PSEN1: variants seen among roughly 807,000 people sequenced by gnomAD.
The protein encoded by PSEN1 is presenilin-1.
PSEN1 carries 15 observed loss-of-function variants against 53.5 expected under a neutral mutation model. The ratio of observed to expected loss-of-function variants is 0.28; its 90% CI spans 0.19 to 0.43. PSEN1 has a LOEUF of 0.43. PSEN1 is among the 20% of genes least tolerant of loss of function. The pLI, the probability that PSEN1 is intolerant of heterozygous loss-of-function variation, is 1.00. For synonymous variants in PSEN1, 208 were observed against 209.8 expected, an observed-to-expected ratio of 0.99 and a Z score of 0.08; for missense variants, 387 against 571.2, an observed-to-expected ratio of 0.68 and a Z score of 3.29.
intron 7 of PSEN1, among the ~76,000 whole-genome samples, chr14:73,196,932 C>CTTTTTTTTTTTTTT (rs557577799): frequency 1.6e-5 from 2 of 128,872 alleles, no homozygotes; most frequent in African/African-American, 3.0e-5. Context: ...TTCTTTCTTT[C>CTTTTTTTTTTTTTT]TTTTTTTTTT....
Position 73,196,932 on chromosome 14 carries a change from C to G in PSEN1, c.770-1099C>G, listed in dbSNP as rs199507975. 6.2e-5 allele frequency among the ~76,000 whole-genome samples: 8 copies of G among 128,872 alleles called. No homozygotes were observed. In the Admixed American group the frequency reaches 6.5e-4, roughly 10 times the overall value. The allele number at this position is 128,872 out of a possible 152,430, so 84.5% of individuals were successfully genotyped here. A position where few individuals can be genotyped will look rare whatever the true frequency, so the allele number is the denominator to read the frequency against. ...TATTCTGAATTTTCTTTCTTTCTTT[C>G]TTTTTTTTTTTTTTTTTTGAGACGG... On this transcript the variant is annotated intron_variant, in intron 7 of 11. Transcript: ENST00000324501.
chr14:73,160,869 G>A lies in PSEN1; in HGVS notation c.88-9928G>A, dbSNP rs1490670649. The stretch of plus-strand genomic sequence containing the variant: ...GTCGCCCATCCTGGAATGCAGTGGC[G>A]CGATCTTGGCTCACTGCAAGCTCCA... On this transcript the variant is annotated intron_variant, in intron 3 of 11. Transcript: ENST00000324501. Among the ~76,000 whole-genome samples the A allele has an allele frequency of 6.5e-5, 9 of 139,256 alleles. No homozygotes were observed. In the East Asian group the frequency reaches 8.6e-4, roughly 13 times the overall value. The allele number at this position is 139,256 out of a possible 152,430, so 91.4% of individuals were successfully genotyped here.
At chr14:73,183,375 G>A (rs1043159770) in intron 5 of PSEN1, among the ~76,000 whole-genome samples, 6 of 152,024 alleles carry the variant, frequency 3.9e-5, no homozygotes, top group African/African-American at 1.5e-4. Context: ...TAGGACAATA[G>A]TGGAGGGAAG....
At chr14:73,189,321 AG>A (rs1412444561) in intron 6 of PSEN1, among the ~76,000 whole-genome samples, 3 of 152,196 alleles carry the variant, frequency 2.0e-5, no homozygotes, top group Non-Finnish European at 2.9e-5. Flanking sequence ...ATTAAACAAA[AG>A]TCCCCTGTCT....
At chr14:73,145,387 T>C (rs1348559787) in intron 1 of PSEN1, among the ~76,000 whole-genome samples, 1 of 152,062 alleles carries the variant, frequency 6.6e-6, no homozygotes, top group Admixed American at 6.6e-5. Flanking sequence ...CAGGCTGGAG[T>C]GTAGTGATGC....
intron 5 of PSEN1, among the ~76,000 whole-genome samples, chr14:73,186,270 T>C (rs974934372): frequency 6.6e-6 from 1 of 151,964 alleles, no homozygotes; most frequent in Non-Finnish European, 1.5e-5. Context: ...TCCCAGCTAC[T>C]TGGGGGGCTG....
At chr14:73,186,166 G>A (rs1258625436) in intron 5 of PSEN1, among the ~76,000 whole-genome samples, 2 of 152,158 alleles carry the variant, frequency 1.3e-5, no homozygotes, top group Non-Finnish European at 2.9e-5. Context: ...GATCACCTCA[G>A]GTCGGGAGTT....
intron 3 of PSEN1, among the ~76,000 whole-genome samples, chr14:73,164,145 A>G (rs1296043431): frequency 2.0e-5 from 3 of 152,212 alleles, no homozygotes; most frequent in South Asian, 2.1e-4. Context: ...CAGAGGTACT[A>G]AGGAAAAGAA....
chr14:73,186,171 G>C (rs1370271296), intron 5 of PSEN1, among the ~76,000 whole-genome samples: 5 of 152,118 alleles, frequency 3.3e-5, no homozygotes. Flanking sequence ...CCTCAGGTCG[G>C]GAGTTCGAGA....
intron 10 of PSEN1, 46 bp downstream of exon 10, chr14:73,211,988 A>T: frequency 6.7e-7 from 1 of 1,485,704 alleles, no homozygotes; most frequent in South Asian, 1.1e-5. Flanking sequence ...TCCTTTAGGT[A>T]GCTACATTAT....
intron 3 of PSEN1, chr14:73,168,916 A>T (rs73305038): frequency 0.038 from 5,846 of 152,400 alleles, 361 homozygotes; most frequent in African/African-American, 0.13. Flanking sequence ...CGCCTGCCAG[A>T]GAGGAGCAAC....
At chr14:73,165,532 G>C (rs1256826294) in intron 3 of PSEN1, among the ~76,000 whole-genome samples, 1 of 150,398 alleles carries the variant, frequency 6.6e-6, no homozygotes, top group Non-Finnish European at 1.5e-5. Flanking sequence ...GATCACCTGA[G>C]GTCAGGAGTT....
intron 5 of PSEN1, among the ~76,000 whole-genome samples, chr14:73,176,056 T>G (rs1156340547): frequency 2.6e-5 from 4 of 152,268 alleles, no homozygotes. Context: ...TTGTGAACTT[T>G]AAGCTTATAC....
At chr14:73,205,920 G>A (rs925797446) in intron 8 of PSEN1, among the ~76,000 whole-genome samples, 42 of 152,240 alleles carry the variant, frequency 2.8e-4, no homozygotes, top group African/African-American at 8.9e-4. Flanking sequence ...TTCTCACGCC[G>A]GGTTTAAAAC....
intron 3 of PSEN1, among the ~76,000 whole-genome samples, chr14:73,164,334 A>G (rs543640004): frequency 3.9e-5 from 6 of 152,328 alleles, no homozygotes; most frequent in South Asian, 4.1e-4. Context: ...ACGATTTTCT[A>G]TTGATAGACT....
At chr14:73,185,105 G>A (rs1171834146) in intron 5 of PSEN1, among the ~76,000 whole-genome samples, 2 of 150,010 alleles carry the variant, frequency 1.3e-5, no homozygotes, top group East Asian at 2.0e-4. Context: ...GGGCGGAGAC[G>A]CTCCTCACTT....
Position 73,198,069 on chromosome 14 carries a change from A to G in PSEN1, c.808A>G (p.Met270Val), listed in dbSNP as rs114317083. 32 of 1,613,052 alleles carry G rather than the reference A, an allele frequency of 2.0e-5. No homozygotes were observed. Among genetic ancestry groups the G allele is most frequent in the Non-Finnish European group, 2.6e-5 (31 of 1,179,198 alleles). ...TTTGTGTCCGAAAGGTCCACTTCGT[A>G]TGCTGGTTGAAACAGCTCAGGAGAG... ...AVLCPKGPLR[M>V]LVETAQERNE... The change falls in exon 8 of 12, where the codon ATG becomes GTG. Residue 270 changes from methionine to valine, a missense_variant. By Grantham distance (21) the Met-to-Val change is conservative. Transcript: ENST00000324501.
intron 9 of PSEN1, chr14:73,208,755 G>A (rs933042213): frequency 4.6e-6 from 2 of 436,494 alleles, no homozygotes; most frequent in African/African-American, 4.0e-5. Flanking sequence ...TGGGAGCTTG[G>A]CCTCCAGGCT....
rs558825875 is a variant in PSEN1 at position 73,212,641 on chromosome 14, A to T, written c.1129+699A>T. On this transcript the variant is annotated intron_variant, in intron 10 of 11. Coordinates refer to ENST00000324501, the MANE Select transcript of PSEN1 (RefSeq NM_000021.4). ...GTTGACAAGTGCTATATTTTATTTT[A>T]AAGAAAATCAAAGGGATTTAGGATA... Among the ~76,000 whole-genome samples, 5 of 152,322 alleles carry T rather than the reference A, an allele frequency of 3.3e-5. No homozygotes were observed. The South Asian group carries it at 1.0e-3, about 32-fold the overall frequency.
Sources: gnomAD v4.1 joint callset for allele counts (sites outside exome capture counted in the v4.1 genomes callset) on GRCh38, gnomAD v4.1.1 for gene constraint, MANE v1.5 for transcripts, NCBI Gene and HGNC (gene_info 2026-07-23, HGNC 2026-07-21) for gene names.